Variants in MLLT3 observed in about 807,000 individuals in gnomAD.
MLLT3 encodes the protein MLLT3 super elongation complex subunit.
A neutral mutation model predicts 53.2 loss-of-function variants in MLLT3; 4 were observed. The observed-to-expected ratio is 0.08, with a 90% CI of 0.04 to 0.17. The LOEUF is 0.17. Ranked by LOEUF, MLLT3 falls within the 10% of genes least tolerant of loss-of-function variation. MLLT3 has a pLI of 1.00. For synonymous variants in MLLT3, 283 were observed against 230.6 expected (o/e 1.23, Z -2.06); for missense variants, 569 against 684.0 (o/e 0.83, Z 1.87).
intron 4 of MLLT3, among the ~76,000 whole-genome samples, chr9:20,436,509 C>T (rs936687412): frequency 1.3e-5 from 2 of 152,224 alleles, no homozygotes; most frequent in African/African-American, 4.8e-5. Flanking sequence ...AGAAAGGAGA[C>T]TCATGCAAGA....
chr9:20,463,781 C>T (rs960201813), intron 2 of MLLT3, among the ~76,000 whole-genome samples: 10 of 151,992 alleles, frequency 6.6e-5, no homozygotes, highest in African/African-American at 2.4e-4. Flanking sequence ...ACTTGTATTC[C>T]AAGAATTATT....
intron 5 of MLLT3, among the ~76,000 whole-genome samples, chr9:20,398,059 A>AT (rs1307196168): frequency 1.3e-5 from 2 of 151,824 alleles, no homozygotes; most frequent in African/African-American, 2.4e-5. Flanking sequence ...TATCTTTTGC[A>AT]TTTTTTCATT....
Position 20,622,385 on chromosome 9 carries a change from A to G in MLLT3, c.-129T>C, listed in dbSNP as rs550599880. The G allele has an allele frequency of 1.5e-5, 13 of 840,402 alleles. No homozygotes were observed. In the African/African-American group the frequency reaches 2.3e-4, roughly 15 times the overall value. The allele number at this position is 840,402 out of a possible 1,614,324, so 52.1% of individuals were successfully genotyped here. The stretch of plus-strand genomic sequence containing the variant: ...CCCAGGAGCGGAGGGTAGATGGCGG[A>G]CATTCTCTGCCTTTTTCCCCCCGCG... On this transcript the variant is annotated 5_prime_UTR_variant, in exon 1 of 11. Transcript: ENST00000380338.
intron 2 of MLLT3, among the ~76,000 whole-genome samples, chr9:20,582,225 G>A (rs1197541860): frequency 6.6e-6 from 1 of 152,064 alleles, no homozygotes; most frequent in African/African-American, 2.4e-5. Context: ...AACCAACATT[G>A]ACACACTATT....
At position 20,622,242 on chromosome 9, in the gene MLLT3, T is replaced by C. The variant is rs1250158734; in HGVS notation, c.12+3A>G. On this transcript the variant is annotated splice_donor_region_variant and intron_variant, in intron 1 of 10. Coordinates refer to ENST00000380338, the MANE Select transcript of MLLT3 (RefSeq NM_004529.4). ...TTTTATTATTATTTTTGCGCGTACT[T>C]ACCGAGCTAGCCATGCCTGGGGGCC... 6.2e-7 allele frequency: 1 copy of C among 1,601,304 alleles called. No individual in the cohort carries two copies. The highest frequency in any genetic ancestry group is 1.7e-5 in the Admixed American group (1 of 58,856).
In MLLT3 at chr9:20,344,655, A is replaced by C. The variant is rs547173047; in HGVS notation, c.*1788T>G. 5 of 208,852 alleles carry C rather than the reference A, an allele frequency of 2.4e-5. No homozygotes were observed. In the South Asian group the frequency reaches 9.4e-4, roughly 39 times the overall value. 12.9% of individuals were successfully genotyped at this position (208,852 alleles called of 1,614,324 possible). On this transcript the variant is annotated 3_prime_UTR_variant, in exon 11 of 11. Coordinates refer to ENST00000380338, the MANE Select transcript of MLLT3 (RefSeq NM_004529.4). Reference sequence around the variant, plus strand: ...TTCAGAGAAATAATTTACAAGGAGCATGGCTGTATTATAATTTTTTAAAGG... The same window carrying C: ...TTCAGAGAAATAATTTACAAGGAGCCTGGCTGTATTATAATTTTTTAAAGG...
At chr9:20,417,218 T>A (rs1371099535) in intron 4 of MLLT3, among the ~76,000 whole-genome samples, 2 of 145,422 alleles carry the variant, frequency 1.4e-5, no homozygotes, top group African/African-American at 5.0e-5. Context: ...TATATGGGGG[T>A]CTTGTCACCA....
chr9:20,588,602 C>A (rs537176963), intron 2 of MLLT3, among the ~76,000 whole-genome samples: 2 of 151,918 alleles, frequency 1.3e-5, no homozygotes, highest in Non-Finnish European at 2.9e-5. Context: ...CTCTTTGAAG[C>A]AATTGTGAAT....
At chr9:20,519,072 T>G (rs1288869974) in intron 2 of MLLT3, among the ~76,000 whole-genome samples, 1 of 152,194 alleles carries the variant, frequency 6.6e-6, no homozygotes, top group African/African-American at 2.4e-5. Flanking sequence ...TTGGAAATAC[T>G]TATTAACCAG....
intron 2 of MLLT3, among the ~76,000 whole-genome samples, chr9:20,561,654 T>A (rs755028630): frequency 6.6e-6 from 1 of 152,186 alleles, no homozygotes; most frequent in Non-Finnish European, 1.5e-5. Context: ...CCAACAGACC[T>A]GGTTGGCATC....
chr9:20,608,078 C>T (rs1279158330), intron 2 of MLLT3, among the ~76,000 whole-genome samples: 1 of 151,878 alleles, frequency 6.6e-6, no homozygotes, highest in African/African-American at 2.4e-5. Context: ...TGCCCTAAAT[C>T]TTTTTTTCTC....
chr9:20,357,082 T>A (rs936720883), intron 8 of MLLT3, among the ~76,000 whole-genome samples: 1 of 152,212 alleles, frequency 6.6e-6, no homozygotes, highest in African/African-American at 2.4e-5. Flanking sequence ...AACTCCAGAA[T>A]AAAAAAGTAC....
At chr9:20,477,071 T>C (rs991362224) in intron 2 of MLLT3, among the ~76,000 whole-genome samples, 2 of 152,146 alleles carry the variant, frequency 1.3e-5, no homozygotes, top group Non-Finnish European at 2.9e-5. Context: ...TACGGACTTT[T>C]GTCTCCTCCC....
At chr9:20,464,052 G>C (rs191110421) in intron 2 of MLLT3, among the ~76,000 whole-genome samples, 30 of 151,484 alleles carry the variant, frequency 2.0e-4, no homozygotes, top group Non-Finnish European at 3.4e-4. Context: ...TAAAACAATC[G>C]CCTTTTGATT....
chr9:20,451,731 A>C (rs948355239), intron 3 of MLLT3, among the ~76,000 whole-genome samples: 2 of 152,186 alleles, frequency 1.3e-5, no homozygotes, highest in Non-Finnish European at 2.9e-5. Context: ...TGTTTTTGGC[A>C]ATATCAAGTT....
chr9:20,458,511 G>A (rs1586963885), intron 2 of MLLT3, among the ~76,000 whole-genome samples: 1 of 152,118 alleles, frequency 6.6e-6, no homozygotes, highest in Non-Finnish European at 1.5e-5. Flanking sequence ...CCTAAACCTC[G>A]TAAACTGAAA....
At chr9:20,490,560 G>T (rs925471875) in intron 2 of MLLT3, among the ~76,000 whole-genome samples, 1 of 152,134 alleles carries the variant, frequency 6.6e-6, no homozygotes. Flanking sequence ...ATGAACCTGG[G>T]AGCAGATTCT....
intron 2 of MLLT3, among the ~76,000 whole-genome samples, chr9:20,516,145 A>C (rs981522071): frequency 2.0e-5 from 3 of 152,078 alleles, no homozygotes; most frequent in Non-Finnish European, 2.9e-5. Context: ...ATATCTCCTG[A>C]CTCCGCTAAG....
Position 20,575,115 on chromosome 9 carries a change from A to C in MLLT3, c.193+45539T>G, listed in dbSNP as rs576612396. ...CCAATTCTACTTCTCTTTCCACCACATTTTTAGTGACTTCCTCCACGGAAG... is the reference window on the plus strand; with the variant it reads ...CCAATTCTACTTCTCTTTCCACCACCTTTTTAGTGACTTCCTCCACGGAAG... On this transcript the variant is annotated intron_variant, in intron 2 of 10. Coordinates refer to ENST00000380338, the MANE Select transcript of MLLT3 (RefSeq NM_004529.4). Among the ~76,000 whole-genome samples, 3 of 152,236 alleles carry C rather than the reference A, an allele frequency of 2.0e-5. No individual in the cohort carries two copies. In the South Asian group the frequency reaches 6.2e-4, roughly 32 times the overall value.
Sources: gnomAD v4.1 joint callset for allele counts (sites outside exome capture counted in the v4.1 genomes callset) on GRCh38, gnomAD v4.1.1 for gene constraint, MANE v1.5 for transcripts, NCBI Gene and HGNC (gene_info 2026-07-23, HGNC 2026-07-21) for gene names.